Variants in GRAMD2B observed in about 807,000 individuals in gnomAD.
The protein encoded by GRAMD2B is GRAM domain-containing protein 2B.
In GRAMD2B, 41 loss-of-function variants were observed where a neutral mutation model predicts 59.2. The observed-to-expected ratio is 0.69, with a 90% CI of 0.54 to 0.90. The LOEUF is 0.90. Ranked by LOEUF, GRAMD2B falls within the 40% of genes least tolerant of loss-of-function variation. GRAMD2B has a pLI of 0.00. For missense variants in GRAMD2B, 424 were observed against 500.5 expected, an observed-to-expected ratio of 0.85 and a Z score of 1.46; for synonymous variants, 161 against 182.7, an observed-to-expected ratio of 0.88 and a Z score of 0.96.
At chr5:126,453,442 A>T (rs1054519825) in intron 1 of GRAMD2B, among the ~76,000 whole-genome samples, 12 of 152,030 alleles carry the variant, frequency 7.9e-5, no homozygotes, top group African/African-American at 1.4e-4. Flanking sequence ...TTTGGAGGAG[A>T]TATATTCAGT....
chr5:126,461,760 A>G (rs1457318157), intron 1 of GRAMD2B, among the ~76,000 whole-genome samples: 1 of 152,198 alleles, frequency 6.6e-6, no homozygotes, highest in Non-Finnish European at 1.5e-5. Context: ...AGATCACGCC[A>G]TTGCACTCCA....
intron 1 of GRAMD2B, among the ~76,000 whole-genome samples, chr5:126,401,281 G>C (rs1363922438): frequency 1.3e-5 from 2 of 151,822 alleles, no homozygotes; most frequent in Non-Finnish European, 2.9e-5. Context: ...TCCAGAATTT[G>C]TTTGGTTCTT....
chr5:126,481,966 A>G (rs1411646586), intron 8 of GRAMD2B, among the ~76,000 whole-genome samples: 1 of 105,902 alleles, frequency 9.4e-6, no homozygotes, highest in African/African-American at 4.0e-5. Flanking sequence ...ATGAGACTCC[A>G]TCTCAAAAAA....
chr5:126,420,054 CAAAAAAA>C (rs386404926), upstream of GRAMD2B, among the ~76,000 whole-genome samples: 4 of 103,666 alleles, frequency 3.9e-5, no homozygotes, highest in East Asian at 1.1e-3. Context: ...GACTCTTTCT[CAAAAAAA>C]AAAAAAAAAA....
At chr5:126,369,455 G>C (rs1754630211), upstream of GRAMD2B, among the ~76,000 whole-genome samples, 1 of 152,098 alleles carries the variant, frequency 6.6e-6, no homozygotes, top group Non-Finnish European at 1.5e-5. Context: ...ATGCTATATT[G>C]ACTCAAAAGA....
chr5:126,449,625 A>G (rs1320460032), intron 1 of GRAMD2B, among the ~76,000 whole-genome samples: 2 of 152,242 alleles, frequency 1.3e-5, no homozygotes, highest in Non-Finnish European at 2.9e-5. Flanking sequence ...GCTTTCACCA[A>G]TATATAGATA....
At chr5:126,488,633 C>A (rs1773389868) in intron 12 of GRAMD2B, among the ~76,000 whole-genome samples, 166 bp from the exon 13 acceptor site, 1 of 152,154 alleles carries the variant, frequency 6.6e-6, no homozygotes, top group Non-Finnish European at 1.5e-5. Context: ...AAACATCTAG[C>A]CTGGAGTTGC....
intron 1 of GRAMD2B, among the ~76,000 whole-genome samples, chr5:126,447,869 T>C (rs910650412): frequency 7.3e-6 from 1 of 136,144 alleles, no homozygotes; most frequent in African/African-American, 2.9e-5. Flanking sequence ...TAATTTTTTT[T>C]TTTTTTAAAA....
chr5:126,381,411 G>A (rs1214770242), intron 1 of GRAMD2B, among the ~76,000 whole-genome samples: 5 of 151,850 alleles, frequency 3.3e-5, no homozygotes, highest in African/African-American at 1.2e-4. Context: ...GTATTTTCCT[G>A]TTCAACTAGT....
chr5:126,465,151 G>A, intron 1 of GRAMD2B: 2 of 1,304,912 alleles, frequency 1.5e-6, no homozygotes, highest in South Asian at 3.4e-5. Flanking sequence ...AGCCCATGCA[G>A]AGCAGAGCTG....
intron 1 of GRAMD2B, among the ~76,000 whole-genome samples, chr5:126,426,952 G>C (rs951102185): frequency 6.6e-6 from 1 of 152,106 alleles, no homozygotes; most frequent in Non-Finnish European, 1.5e-5. Flanking sequence ...AAGTACTTTA[G>C]CTGTATATTT....
chr5:126,444,053 A>G (rs1181530970), intron 1 of GRAMD2B, among the ~76,000 whole-genome samples: 1 of 144,790 alleles, frequency 6.9e-6, no homozygotes, highest in Non-Finnish European at 1.5e-5. Flanking sequence ...ACTCCATCTC[A>G]AAAAAAAAAA....
rs369076780 is a variant in GRAMD2B at position 126,469,277 on chromosome 5, G to GA, written c.204-395dup. On this transcript the variant is annotated intron_variant, in intron 2 of 13. Transcript: ENST00000285689. Reference sequence around the variant, plus strand: ...TGAATGATTTTTGATATCCAGAAAAGAAAAACAAATGTCAGGTTTTCTTAG... The same window carrying GA: ...TGAATGATTTTTGATATCCAGAAAAGAAAAAACAAATGTCAGGTTTTCTTAG... Among the ~76,000 whole-genome samples the GA allele has an allele frequency of 5.2e-3, 794 of 152,204 alleles. 13 individuals carry two copies. Among genetic ancestry groups the GA allele is most frequent in the African/African-American group, 0.018 (757 of 41,544 alleles).
Position 126,473,380 on chromosome 5 carries a change from TAAA to T in GRAMD2B, c.486+21_486+23del. The T allele has an allele frequency of 1.1e-6, 1 of 905,998 alleles. No individual in the cohort carries two copies. 56.1% of individuals were successfully genotyped at this position (905,998 alleles called of 1,614,324 possible). A position where few individuals can be genotyped will look rare whatever the true frequency, so the allele number is the denominator to read the frequency against. On this transcript the variant is annotated intron_variant, in intron 5 of 13. Coordinates refer to ENST00000285689, the MANE Select transcript of GRAMD2B (RefSeq NM_023927.4). ...GAAAAGACACAAAGGTTGGTATAAT[TAAA>T]AAAAAAAATGCTAACCCTATACTTT...
At chr5:126,430,735 C>T (rs745666791) in intron 1 of GRAMD2B, among the ~76,000 whole-genome samples, 10 of 152,052 alleles carry the variant, frequency 6.6e-5, no homozygotes, top group Non-Finnish European at 7.4e-5. Context: ...GCAAAAGAAA[C>T]AAGATTGTAA....
chr5:126,485,804 A>AG (rs753794630), intron 11 of GRAMD2B, 31 bp downstream of exon 11: 3 of 1,314,386 alleles, frequency 2.3e-6, no homozygotes, highest in Non-Finnish European at 2.2e-6. Flanking sequence ...TGAGTGACTA[A>AG]GAAAATGATT....
chr5:126,407,809 T>C (rs1758390268), intron 1 of GRAMD2B, among the ~76,000 whole-genome samples: 1 of 152,080 alleles, frequency 6.6e-6, no homozygotes, highest in South Asian at 2.1e-4. Context: ...GATGTGATGA[T>C]GGTGATAACC....
Position 126,480,709 on chromosome 5 carries a change from T to C in GRAMD2B, c.735+2T>C, listed in dbSNP as rs1316719357. 6.2e-7 allele frequency: 1 copy of C among 1,612,936 alleles called. No homozygotes were observed. The highest frequency in any genetic ancestry group is 1.3e-5 in the African/African-American group (1 of 74,922). On this transcript the variant is annotated splice_donor_variant, in intron 8 of 13. Coordinates refer to ENST00000285689, the MANE Select transcript of GRAMD2B (RefSeq NM_023927.4). LOFTEE classifies it high-confidence loss of function. Reference sequence around the variant, plus strand: ...GACCGCCCTTCATCTCTGCCTCTGGTAAGTTGCCCACATAACTATCTAAAT... The same window carrying C: ...GACCGCCCTTCATCTCTGCCTCTGGCAAGTTGCCCACATAACTATCTAAAT...
chr5:126,438,341 A>G (rs1030171134), intron 1 of GRAMD2B, among the ~76,000 whole-genome samples: 6 of 152,200 alleles, frequency 3.9e-5, no homozygotes, highest in African/African-American at 1.2e-4. Flanking sequence ...GGCACACCCA[A>G]TAAGTGACAG....
Sources: gnomAD v4.1 joint callset for allele counts (sites outside exome capture counted in the v4.1 genomes callset) on GRCh38, gnomAD v4.1.1 for gene constraint, MANE v1.5 for transcripts, NCBI Gene and HGNC (gene_info 2026-07-23, HGNC 2026-07-21) for gene names.